The following NRK variants were observed in gnomAD, a reference collection of about 807,000 sequenced individuals.
The protein encoded by NRK is nik-related protein kinase.
Under a neutral mutation model 125.2 loss-of-function variants are expected in NRK, and 67 were observed. The ratio of observed to expected loss-of-function variants is 0.54; its 90% CI spans 0.44 to 0.66. The LOEUF is 0.66. Among genes scored for constraint, NRK ranks in the 30% least tolerant of loss-of-function variants. NRK has a pLI of 0.00. For synonymous variants in NRK, 458 were observed against 429.0 expected, an observed-to-expected ratio of 1.07 and a Z score of -0.84; for missense variants, 1,224 against 1,192.9, an observed-to-expected ratio of 1.03 and a Z score of -0.38.
chrX:105,885,771 C>T (rs1025725644), intron 4 of NRK, among the ~76,000 whole-genome samples: 19 of 111,469 alleles, frequency 1.7e-4, no homozygotes, highest in African/African-American at 5.2e-4. Flanking sequence ...GTTCTGATAG[C>T]GCTCGGAGTA....
chrX:105,931,225 T>C (rs2040590808), intron 19 of NRK, among the ~76,000 whole-genome samples: 2 of 112,313 alleles, frequency 1.8e-5, no homozygotes, highest in African/African-American at 6.5e-5. Flanking sequence ...ATTTCAGCCA[T>C]CAGTTGGGGC....
rs1484251203 is a variant in NRK at position 105,935,236 on chromosome X, C to T, written c.3566C>T (p.Pro1189Leu). The part of the protein sequence containing the change: ...PKQPSEVNVN[P>L]LYVSPACKKP... ...CAACCCTCTGAAGTCAATGTTAACC[C>T]ACTCTATGTCTCTCCTGCATGTAAA... Residue 1189 changes from proline to leucine, a missense_variant, in exon 21 of 29, where the codon CCA becomes CTA. Coordinates refer to ENST00000243300, the MANE Select transcript of NRK (RefSeq NM_198465.4). 8.4e-7 allele frequency: 1 copy of T among 1,187,189 alleles called. No individual in the cohort carries two copies.
chrX:105,905,295 T>A lies in NRK; in HGVS notation c.797T>A (p.Leu266His). ...PLCNLQPLEALFVILRESAPT... is the reference protein window; with the variant it reads ...PLCNLQPLEAHFVILRESAPT... Reference sequence around the variant, plus strand: ...TGTAACCTTCAACCCTTGGAAGCTCTCTTCGTTATTTTGCGGGAATCTGCT... The same window carrying A: ...TGTAACCTTCAACCCTTGGAAGCTCACTTCGTTATTTTGCGGGAATCTGCT... The change falls in exon 10 of 29, where the codon CTC becomes CAC. Residue 266 changes from leucine to histidine, a missense_variant. Leu to His is a moderately conservative substitution (Grantham distance 99, BLOSUM62 -3). Transcript: ENST00000243300. 8.3e-7 allele frequency: 1 copy of A among 1,207,793 alleles called. No individual in the cohort carries two copies. The highest frequency in any genetic ancestry group is 3.0e-5 in the East Asian group (1 of 33,740).
At chrX:105,869,872 T>C (rs190051445) in intron 2 of NRK, among the ~76,000 whole-genome samples, 1 of 112,438 alleles carries the variant, frequency 8.9e-6, no homozygotes, top group East Asian at 2.8e-4. Flanking sequence ...GCATTTTGCA[T>C]GAGTGTTAAC....
intron 17 of NRK, among the ~76,000 whole-genome samples, chrX:105,922,750 A>G (rs1158248624): frequency 8.9e-6 from 1 of 111,815 alleles, no homozygotes; most frequent in Non-Finnish European, 1.9e-5. Flanking sequence ...ATCAATTTCA[A>G]GAGCTGTGTG....
At chrX:105,848,187 A>G (rs751842458) in intron 2 of NRK, among the ~76,000 whole-genome samples, 1 of 111,714 alleles carries the variant, frequency 9.0e-6, no homozygotes, top group Non-Finnish European at 1.9e-5. Context: ...ATTTATAGAT[A>G]ACAAAACTCA....
chrX:105,906,764 CGTGTGTGTGTGTGTGTGTGTGTGTGT>C (rs61655627), intron 11 of NRK, among the ~76,000 whole-genome samples, 175 bp downstream of exon 11: 1 of 87,536 alleles, frequency 1.1e-5, no homozygotes, highest in Non-Finnish European at 2.3e-5. Context: ...TTTTCTCTTG[CGTGTGTGTGTGTGTGTGTGTGTGTGT>C]GTGTGTGTGT....
chrX:105,955,212 C>T (rs1056533547), intron 28 of NRK, among the ~76,000 whole-genome samples: 1 of 110,874 alleles, frequency 9.0e-6, no homozygotes, highest in Non-Finnish European at 1.9e-5. Flanking sequence ...AGAATTATTG[C>T]CCAAAAATAA....
intron 4 of NRK, among the ~76,000 whole-genome samples, chrX:105,882,914 T>C (rs1257029650): frequency 1.8e-5 from 2 of 112,269 alleles, no homozygotes; most frequent in African/African-American, 6.5e-5. Flanking sequence ...TAAAACTTTT[T>C]TAAAGACCTG....
intron 4 of NRK, among the ~76,000 whole-genome samples, chrX:105,884,758 T>G (rs974995274): frequency 3.6e-5 from 4 of 112,285 alleles, no homozygotes; most frequent in Non-Finnish European, 5.6e-5. Flanking sequence ...AATCTTTTTT[T>G]TCACTGGATT....
At chrX:105,844,191 G>A (rs986161084) in intron 2 of NRK, among the ~76,000 whole-genome samples, 1 of 110,680 alleles carries the variant, frequency 9.0e-6, no homozygotes, top group Non-Finnish European at 1.9e-5. Flanking sequence ...ATAAGAGTTA[G>A]TGGTATATTC....
chrX:105,920,626 A>G (rs1186182559), intron 16 of NRK, among the ~76,000 whole-genome samples: 4 of 110,574 alleles, frequency 3.6e-5, no homozygotes, highest in Non-Finnish European at 7.6e-5. Flanking sequence ...TGTAAGTTGG[A>G]TTTACAAGAT....
At chrX:105,899,646 T>C (rs182135853) in intron 8 of NRK, among the ~76,000 whole-genome samples, 102 of 111,751 alleles carry the variant, frequency 9.1e-4, no homozygotes, top group African/African-American at 3.2e-3. Context: ...TTTAGCACCA[T>C]GTAACTGAAA....
At chrX:105,934,221 C>G in intron 19 of NRK, 37 bp from the exon 20 acceptor site, 1 of 983,602 alleles carries the variant, frequency 1.0e-6, no homozygotes, top group Non-Finnish European at 1.4e-6. Context: ...TGTTAACCTA[C>G]TAATGAAATA....
Position 105,923,381 on chromosome X carries a change from G to C in NRK, c.2874G>C (p.Gln958His), listed in dbSNP as rs998315945. The C allele has an allele frequency of 8.6e-7, 1 of 1,160,210 alleles. No individual in the cohort carries two copies. The highest frequency in any genetic ancestry group is 1.8e-5 in the African/African-American group (1 of 56,054). Residue 958 changes from glutamine to histidine, a missense_variant, in exon 18 of 29, where the codon CAG becomes CAC. Gln to His is a conservative substitution (Grantham distance 24, BLOSUM62 0). Transcript: ENST00000243300. ...HANGNDDLDN[Q>H]VDQANDVCKD... ...ATGGCAATGATGACTTGGATAACCA[G>C]GTTGATCAGGCTAATGATGTTTGTA...
rs2039037435 is a variant in NRK at position 105,822,738 on chromosome X, C to T, written c.-108C>T. The T allele has an allele frequency of 8.0e-6, 6 of 753,716 alleles. No individual in the cohort carries two copies. Among genetic ancestry groups the T allele is most frequent in the Middle Eastern group, 5.6e-4 (2 of 3,558 alleles). The allele number at this position is 753,716 out of a possible 1,213,427, so 62.1% of individuals were successfully genotyped here. A position where few individuals can be genotyped will look rare whatever the true frequency, so the allele number is the denominator to read the frequency against. ...AACCCCGATCCCCAGACTCCTCTCTCCCGCCCTCCTCCTTCCTCTCTCCTC... is the reference window on the plus strand; with the variant it reads ...AACCCCGATCCCCAGACTCCTCTCTTCCGCCCTCCTCCTTCCTCTCTCCTC... On this transcript the variant is annotated 5_prime_UTR_variant, in exon 1 of 29. Coordinates refer to ENST00000243300, the MANE Select transcript of NRK (RefSeq NM_198465.4).
intron 10 of NRK, among the ~76,000 whole-genome samples, chrX:105,906,190 G>T (rs944594883): frequency 9.0e-6 from 1 of 111,521 alleles, no homozygotes; most frequent in African/African-American, 3.3e-5. Context: ...CTGTAATTTA[G>T]ATGGAATATG....
chrX:105,945,653 C>G (rs2040802122), intron 24 of NRK, among the ~76,000 whole-genome samples: 1 of 111,548 alleles, frequency 9.0e-6, no homozygotes, highest in South Asian at 3.8e-4. Flanking sequence ...TCTGTCTAGC[C>G]TGATACACAG....
chrX:105,876,619 CTCAAT>C (rs1169067716), intron 2 of NRK, among the ~76,000 whole-genome samples: 1 of 111,777 alleles, frequency 8.9e-6, no homozygotes, highest in African/African-American at 3.2e-5. Flanking sequence ...TTATTTAACA[CTCAAT>C]GTAGAATCTA....
Sources: allele counts gnomAD v4.1 joint callset (sites outside exome capture counted in the v4.1 genomes callset), GRCh38; gene constraint gnomAD v4.1.1; transcripts MANE v1.5; gene names NCBI Gene and HGNC (gene_info 2026-07-23, HGNC 2026-07-21).